The following CCDC7 variants were observed in gnomAD, a reference collection of about 807,000 sequenced individuals.
CCDC7 encodes coiled-coil domain-containing protein 7.
A neutral mutation model predicts 196.9 loss-of-function variants in CCDC7; 183 were observed. That is an observed-to-expected ratio of 0.93 (90% CI 0.82 to 1.05). The LOEUF is 1.05. Ranked by LOEUF, CCDC7 falls within the 50% of genes least tolerant of loss-of-function variation. The pLI is 0.00. For synonymous variants in CCDC7, 525 were observed against 484.6 expected, an observed-to-expected ratio of 1.08 and a Z score of -1.10; for missense variants, 1,540 against 1,482.2, an observed-to-expected ratio of 1.04 and a Z score of -0.64.
At chr10:32,655,090 A>T (rs1275659471) in intron 20 of CCDC7, among the ~76,000 whole-genome samples, 1 of 152,180 alleles carries the variant, frequency 6.6e-6, no homozygotes, top group Non-Finnish European at 1.5e-5. Flanking sequence ...TGGCAGATAC[A>T]TCATCAAATA....
intron 20 of CCDC7, among the ~76,000 whole-genome samples, chr10:32,658,338 G>A (rs1017169236): frequency 2.0e-5 from 3 of 152,184 alleles, no homozygotes; most frequent in African/African-American, 7.2e-5. Context: ...GGCTGGGATG[G>A]CCTCAGAAAA....
At chr10:32,488,066 A>G (rs1043983526) in intron 8 of CCDC7, among the ~76,000 whole-genome samples, 1 of 152,206 alleles carries the variant, frequency 6.6e-6, no homozygotes, top group South Asian at 2.1e-4. Context: ...TTGTTTGGCA[A>G]TGGCCTGCCC....
chr10:32,615,094 T>C (rs1294071422), intron 18 of CCDC7, among the ~76,000 whole-genome samples: 2 of 152,174 alleles, frequency 1.3e-5, no homozygotes, highest in African/African-American at 4.8e-5. Flanking sequence ...TGGACACAGG[T>C]TGTTGTTTCC....
chr10:32,700,450 TA>T (rs1159057752), intron 24 of CCDC7, among the ~76,000 whole-genome samples: 2 of 151,608 alleles, frequency 1.3e-5, no homozygotes, highest in Admixed American at 6.5e-5. Context: ...CTCTTTTGGT[TA>T]CTGCAGCCTT....
chr10:32,518,361 C>A (rs1303299573), intron 10 of CCDC7, 55 bp from the exon 12 acceptor site: 23 of 1,493,708 alleles, frequency 1.5e-5, no homozygotes, highest in Non-Finnish European at 2.0e-5. Context: ...ATCTGAATAA[C>A]CTTTCTACAT....
At chr10:32,641,145 T>C (rs2066725127) in intron 20 of CCDC7, among the ~76,000 whole-genome samples, 1 of 152,206 alleles carries the variant, frequency 6.6e-6, no homozygotes, top group Non-Finnish European at 1.5e-5. Context: ...GTTGCTGTTC[T>C]CAAAGCACAT....
rs183330335 is a variant in CCDC7, at chr10:32,730,026, C to A, written c.2905+569C>A. Reference sequence around the variant, plus strand: ...GAATTTTAAGTTCTGGGGTACATGTCCAGGGTGTGCAGGTTTGTTACATAG... The same window carrying A: ...GAATTTTAAGTTCTGGGGTACATGTACAGGGTGTGCAGGTTTGTTACATAG... On this transcript the variant is annotated intron_variant, in intron 28 of 41. Coordinates refer to ENST00000639629, the Ensembl canonical transcript of CCDC7. Among the ~76,000 whole-genome samples, 7 of 152,134 alleles carry A rather than the reference C, an allele frequency of 4.6e-5. 1 individual carries two copies. The highest frequency in any genetic ancestry group is 8.8e-5 in the Non-Finnish European group (6 of 68,018).
chr10:32,844,439 C>T (rs527974465), intron 33 of CCDC7, among the ~76,000 whole-genome samples: 4 of 151,982 alleles, frequency 2.6e-5, no homozygotes, highest in African/African-American at 9.6e-5. Context: ...TTAGAAATGA[C>T]ATGAAGTCTT....
chr10:32,824,547 G>C, exon 32 of CCDC7: 6 of 1,611,982 alleles, frequency 3.7e-6, no homozygotes, highest in Non-Finnish European at 5.1e-6. Context: ...TAGTACAACT[G>C]AGAGAGGTAC....
At chr10:32,716,822 G>A (rs913792245) in intron 25 of CCDC7, among the ~76,000 whole-genome samples, 2 of 152,154 alleles carry the variant, frequency 1.3e-5, no homozygotes, top group Non-Finnish European at 2.9e-5. Context: ...TAATGGCAAA[G>A]GGATCAATGC....
At chr10:32,685,206 T>C (rs539865307) in intron 21 of CCDC7, among the ~76,000 whole-genome samples, 2 of 44,782 alleles carry the variant, frequency 4.5e-5, no homozygotes, top group East Asian at 1.4e-3. Context: ...TTTCTCTTTT[T>C]TGGATTTTTT....
At chr10:32,748,301 C>T (rs2075132773) in intron 28 of CCDC7, among the ~76,000 whole-genome samples, 1 of 152,092 alleles carries the variant, frequency 6.6e-6, no homozygotes, top group African/African-American at 2.4e-5. Flanking sequence ...GTACACCTAA[C>T]TCCCATGACA....
intron 11 of CCDC7, among the ~76,000 whole-genome samples, chr10:32,529,107 T>C (rs748994156): frequency 7.9e-5 from 12 of 152,148 alleles, no homozygotes; most frequent in South Asian, 4.1e-4. Flanking sequence ...CTGCAACCTC[T>C]GCCTCCTGGG....
chr10:32,865,392 A>G (rs2094164301), intron 41 of CCDC7, among the ~76,000 whole-genome samples: 2 of 118,080 alleles, frequency 1.7e-5, no homozygotes, highest in South Asian at 3.1e-4. Context: ...ACAGTGAGGT[A>G]CTCCTATTAT....
At chr10:32,710,337 C>A (rs1173095387) in intron 24 of CCDC7, among the ~76,000 whole-genome samples, 1 of 152,202 alleles carries the variant, frequency 6.6e-6, no homozygotes, top group Admixed American at 6.5e-5. Context: ...TTGCCTGGTA[C>A]CTCTTTAGAA....
chr10:32,690,538 A>G (rs2076963499), intron 23 of CCDC7, among the ~76,000 whole-genome samples: 2 of 152,188 alleles, frequency 1.3e-5, no homozygotes, highest in African/African-American at 2.4e-5. Context: ...GTAATATAGC[A>G]TTGGACCAGC....
At position 32,640,235 on chromosome 10, in the gene CCDC7, T is replaced by TATTTA. The variant is rs2066478941; in HGVS notation, c.2014+5077_2014+5078insATTTA. Among the ~76,000 whole-genome samples, 39 of 152,346 alleles carry TATTTA rather than the reference T, an allele frequency of 2.6e-4. No individual in the cohort carries two copies. The South Asian group carries it at 7.7e-3, about 30-fold the overall frequency. ...TGAATCTGGGTGCTCCTGTATTGGG[T>TATTTA]GCATACATATTTAGGATAGTCAGCT... On this transcript the variant is annotated intron_variant, in intron 20 of 41. Coordinates refer to ENST00000639629, the Ensembl canonical transcript of CCDC7.
At chr10:32,531,928 G>A (rs79364189) in intron 11 of CCDC7, among the ~76,000 whole-genome samples, 5,890 of 151,942 alleles carry the variant, frequency 0.039, 121 homozygotes, top group Middle Eastern at 0.051. Context: ...ATTTATCTGG[G>A]TTTTTCTCTT....
intron 25 of CCDC7, among the ~76,000 whole-genome samples, chr10:32,724,109 G>A (rs1389398345): frequency 6.6e-6 from 1 of 152,122 alleles, no homozygotes; most frequent in East Asian, 1.9e-4. Context: ...GACCTGAAAA[G>A]CTTATATATA....
Sources: allele counts gnomAD v4.1 joint callset (sites outside exome capture counted in the v4.1 genomes callset), GRCh38; gene constraint gnomAD v4.1.1; transcripts MANE v1.5; gene names NCBI Gene and HGNC (gene_info 2026-07-23, HGNC 2026-07-21).